The following SNTG1 variants were observed in gnomAD, a reference collection of about 807,000 sequenced individuals.
The protein encoded by SNTG1 is gamma-1-syntrophin.
In SNTG1, 39 loss-of-function variants were observed where a neutral mutation model predicts 74.7. The ratio of observed to expected loss-of-function variants is 0.52; its 90% CI spans 0.40 to 0.68. The LOEUF (loss-of-function observed/expected upper bound fraction) is 0.68. SNTG1 is among the 30% of genes least tolerant of loss of function. SNTG1 has a pLI of 0.00. For synonymous variants in SNTG1, 254 were observed against 217.1 expected (o/e 1.17, Z -1.49); for missense variants, 685 against 609.5 (o/e 1.12, Z -1.30).
At chr8:50,064,971 C>T (rs1820784042) in intron 1 of SNTG1, among the ~76,000 whole-genome samples, 1 of 152,100 alleles carries the variant, frequency 6.6e-6, no homozygotes, top group Non-Finnish European at 1.5e-5. Flanking sequence ...TATGGATTCC[C>T]TTGTAATGTT....
At chr8:50,662,240 TA>T (rs2095227886) in intron 15 of SNTG1, among the ~76,000 whole-genome samples, 1 of 152,176 alleles carries the variant, frequency 6.6e-6, no homozygotes, top group South Asian at 2.1e-4. Context: ...CAGGTGAGGC[TA>T]ATTAAAAGTC....
chr8:50,759,690 A>C (rs2095592280), intron 18 of SNTG1, among the ~76,000 whole-genome samples: 1 of 151,880 alleles, frequency 6.6e-6, no homozygotes, highest in Admixed American at 6.6e-5. Flanking sequence ...CCATTGGTAT[A>C]TATATGTATA....
chr8:50,293,776 A>G (rs2089239853), intron 2 of SNTG1, among the ~76,000 whole-genome samples: 1 of 152,170 alleles, frequency 6.6e-6, no homozygotes, highest in Admixed American at 6.6e-5. Flanking sequence ...TATCTGTAGT[A>G]CAGGGGTTAA....
chr8:50,191,665 C>A (rs955915944), intron 2 of SNTG1, among the ~76,000 whole-genome samples: 17 of 151,970 alleles, frequency 1.1e-4, no homozygotes, highest in Admixed American at 9.9e-4. Flanking sequence ...ACCTGTCAAC[C>A]CATCACCTAG....
chr8:50,789,838 C>T (rs73677527), intron 18 of SNTG1, among the ~76,000 whole-genome samples: 3,023 of 152,052 alleles, frequency 0.02, 95 homozygotes, highest in African/African-American at 0.065. Flanking sequence ...CCATGTCGCT[C>T]ATAGTAAAAC....
At chr8:50,234,905 A>G (rs1320880096) in intron 2 of SNTG1, among the ~76,000 whole-genome samples, 47 of 152,108 alleles carry the variant, frequency 3.1e-4, no homozygotes, top group Non-Finnish European at 2.9e-5. Context: ...AGCTGTTGTT[A>G]GTAGATGTGG....
At chr8:50,470,372 G>T (rs2093642187) in intron 8 of SNTG1, among the ~76,000 whole-genome samples, 1 of 152,208 alleles carries the variant, frequency 6.6e-6, no homozygotes, top group Non-Finnish European at 1.5e-5. Flanking sequence ...GAATGAAGCT[G>T]CAGACCCTCA....
chr8:50,385,107 T>C (rs914125430), intron 2 of SNTG1, among the ~76,000 whole-genome samples: 8 of 152,190 alleles, frequency 5.3e-5, no homozygotes, highest in African/African-American at 1.9e-4. Context: ...CTAAACAGCA[T>C]CCCTGTCTGC....
intron 1 of SNTG1, among the ~76,000 whole-genome samples, chr8:50,165,631 T>C (rs777078497): frequency 6.6e-6 from 1 of 152,236 alleles, no homozygotes; most frequent in Non-Finnish European, 1.5e-5. Context: ...TGAAAATTGC[T>C]GCCACTATGG....
intron 1 of SNTG1, among the ~76,000 whole-genome samples, chr8:49,913,984 T>C (rs1190067021): frequency 1.3e-5 from 2 of 151,980 alleles, no homozygotes; most frequent in Non-Finnish European, 2.9e-5. Context: ...GCCTAATCCC[T>C]TAGGAGATTT....
At chr8:50,281,871 G>C (rs530156774) in intron 2 of SNTG1, among the ~76,000 whole-genome samples, 1 of 152,156 alleles carries the variant, frequency 6.6e-6, no homozygotes, top group African/African-American at 2.4e-5. Flanking sequence ...TGGAACTTAT[G>C]AGATATAGCA....
chr8:50,113,802 G>T (rs2080702888), intron 1 of SNTG1, among the ~76,000 whole-genome samples: 2 of 152,082 alleles, frequency 1.3e-5, no homozygotes. Flanking sequence ...AAGGACTGTT[G>T]AATTTTAAAT....
chr8:50,532,629 C>T lies in SNTG1; in HGVS notation c.549+2370C>T, dbSNP rs184986732. Among the ~76,000 whole-genome samples, 566 of 149,058 alleles carry T rather than the reference C, an allele frequency of 3.8e-3. 2 individuals are homozygous for T. The highest frequency in any genetic ancestry group is 6.7e-3 in the Non-Finnish European group (456 of 67,992). On this transcript the variant is annotated intron_variant, in intron 10 of 18. Coordinates refer to ENST00000642720, the MANE Select transcript of SNTG1 (RefSeq NM_018967.5). ...CAGGCTTGCACAGCCAGGGCTAGCA[C>T]GTGCTGTTCCTTCTGTATCTTGAAT...
intron 2 of SNTG1, among the ~76,000 whole-genome samples, chr8:50,232,611 T>A (rs919956813): frequency 6.6e-6 from 1 of 151,388 alleles, no homozygotes; most frequent in African/African-American, 2.4e-5. Context: ...TGGAAACATA[T>A]GCAAAAGAGT....
intron 2 of SNTG1, among the ~76,000 whole-genome samples, chr8:50,283,305 T>C (rs566067875): frequency 1.6e-4 from 24 of 152,310 alleles, no homozygotes; most frequent in African/African-American, 5.5e-4. Flanking sequence ...TTTAAAGTTA[T>C]CAGAAACATG....
At chr8:50,275,291 A>G (rs1216571940) in intron 2 of SNTG1, among the ~76,000 whole-genome samples, 5 of 152,132 alleles carry the variant, frequency 3.3e-5, no homozygotes, top group Non-Finnish European at 7.4e-5. Context: ...TAAAGTGATT[A>G]CTTATATAGT....
chr8:50,305,350 T>C (rs1490435407), intron 2 of SNTG1, among the ~76,000 whole-genome samples: 2 of 152,180 alleles, frequency 1.3e-5, no homozygotes, highest in Admixed American at 1.3e-4. Context: ...ATAAAACAGT[T>C]TTTTTAATGT....
chr8:50,080,598 T>G (rs1822313820), intron 1 of SNTG1, among the ~76,000 whole-genome samples: 2 of 152,184 alleles, frequency 1.3e-5, no homozygotes, highest in Admixed American at 1.3e-4. Flanking sequence ...CTGTTTATTT[T>G]TGCTGTATTA....
chr8:50,066,771 T>C (rs554996840), intron 1 of SNTG1, among the ~76,000 whole-genome samples: 1 of 152,358 alleles, frequency 6.6e-6, no homozygotes, highest in South Asian at 2.1e-4. Flanking sequence ...TCTTCATTTA[T>C]CTTCACAGAC....
Sources: allele counts gnomAD v4.1 joint callset (sites outside exome capture counted in the v4.1 genomes callset), GRCh38; gene constraint gnomAD v4.1.1; transcripts MANE v1.5; gene names NCBI Gene and HGNC (gene_info 2026-07-23, HGNC 2026-07-21).